ERBB4: variants seen among roughly 807,000 people sequenced by gnomAD.
The protein encoded by ERBB4 is erb-b2 receptor tyrosine kinase 4.
Under a neutral mutation model 158.0 loss-of-function variants are expected in ERBB4, and 42 were observed. The observed-to-expected ratio is 0.27, with a 90% CI of 0.21 to 0.34. The LOEUF (loss-of-function observed/expected upper bound fraction) is 0.34, where lower values mean the gene tolerates loss of function less well. ERBB4 is among the 10% of genes least tolerant of loss of function. ERBB4 has a pLI of 1.00. For missense variants in ERBB4, 1,333 were observed against 1,624.1 expected (o/e 0.82, Z 3.08); for synonymous variants, 583 against 558.7 (o/e 1.04, Z -0.61).
chr2:212,373,757 ATATCCACG>A (rs1455175766), intron 1 of ERBB4, among the ~76,000 whole-genome samples: 13 of 141,606 alleles, frequency 9.2e-5, no homozygotes, highest in African/African-American at 3.4e-4. Context: ...ATCCATGTAT[ATATCCACG>A]TATATATCCA....
chr2:212,456,361 A>G (rs1018884106), intron 1 of ERBB4, among the ~76,000 whole-genome samples: 1 of 152,114 alleles, frequency 6.6e-6, no homozygotes, highest in Non-Finnish European at 1.5e-5. Context: ...CATACACTAA[A>G]TAAGTGTAAA....
intron 2 of ERBB4, among the ~76,000 whole-genome samples, chr2:212,030,413 C>T (rs1267950421): frequency 6.6e-6 from 1 of 152,066 alleles, no homozygotes; most frequent in Non-Finnish European, 1.5e-5. Flanking sequence ...GTTTAAATTT[C>T]TTTAGTTGCC....
At chr2:211,609,301 A>C (rs925395821) in intron 19 of ERBB4, among the ~76,000 whole-genome samples, 1 of 152,132 alleles carries the variant, frequency 6.6e-6, no homozygotes, top group Non-Finnish European at 1.5e-5. Flanking sequence ...CATTAGACCC[A>C]CATTCCAGAG....
chr2:211,886,869 A>G (rs1401728554), intron 3 of ERBB4, among the ~76,000 whole-genome samples: 2 of 152,208 alleles, frequency 1.3e-5, no homozygotes, highest in East Asian at 1.9e-4. Context: ...AGGCAGTTAA[A>G]CTTGTCACTG....
intron 22 of ERBB4, among the ~76,000 whole-genome samples, chr2:211,426,548 G>A (rs937826674): frequency 2.0e-5 from 3 of 151,912 alleles, no homozygotes; most frequent in Admixed American, 1.3e-4. Flanking sequence ...ACAGTTCCTG[G>A]GATTTTGCAA....
At position 211,430,984 on chromosome 2, in the gene ERBB4, C is replaced by T. The variant is rs879129631; in HGVS notation, c.2604G>A (p.Leu868=). The T allele has an allele frequency of 9.3e-6, 15 of 1,613,648 alleles. No individual in the cohort carries two copies. The highest frequency in any genetic ancestry group is 1.3e-5 in the Non-Finnish European group (15 of 1,179,744). ...CATTGTACTCTTTTTCATCTCCTTC[C>T]AAGAGTCTGGCTAGCCCAAAATCTG... The part of the protein sequence containing the change: ...KITDFGLARL[L]EGDEKEYNAD... The change falls in exon 21 of 28, where the codon TTG becomes TTA. Residue 868 remains leucine, a synonymous_variant. Coordinates refer to ENST00000342788, the MANE Select transcript of ERBB4 (RefSeq NM_005235.3).
At chr2:211,833,966 G>A (rs1337160815) in intron 3 of ERBB4, among the ~76,000 whole-genome samples, 1 of 152,036 alleles carries the variant, frequency 6.6e-6, no homozygotes, top group African/African-American at 2.4e-5. Context: ...ACCCCTAGGT[G>A]CATATTCAGA....
chr2:211,427,648 T>G (rs2125420328), intron 22 of ERBB4, among the ~76,000 whole-genome samples: 1 of 152,300 alleles, frequency 6.6e-6, no homozygotes, highest in East Asian at 1.9e-4. Flanking sequence ...CTGTCAGTAA[T>G]TTTTCTTTGT....
chr2:211,494,815 T>A (rs1287390215), intron 20 of ERBB4, among the ~76,000 whole-genome samples: 3 of 152,138 alleles, frequency 2.0e-5, no homozygotes, highest in Non-Finnish European at 4.4e-5. Flanking sequence ...CATCTGCCAG[T>A]CATCTCATGT....
At chr2:211,733,024 A>G (rs535728927) in intron 5 of ERBB4, among the ~76,000 whole-genome samples, 1 of 152,256 alleles carries the variant, frequency 6.6e-6, no homozygotes, top group South Asian at 2.1e-4. Flanking sequence ...ATATTTTGGC[A>G]GCTACTAATC....
intron 1 of ERBB4, among the ~76,000 whole-genome samples, chr2:212,301,869 T>G (rs1320870073): frequency 6.6e-6 from 1 of 151,372 alleles, no homozygotes; most frequent in Admixed American, 6.6e-5. Flanking sequence ...TCTTATTTTT[T>G]AAAATAAAAA....
At chr2:212,320,522 A>AAC (rs1276411046) in intron 1 of ERBB4, among the ~76,000 whole-genome samples, 1 of 149,014 alleles carries the variant, frequency 6.7e-6, no homozygotes, top group Non-Finnish European at 1.5e-5. Context: ...CAGAAAAAAA[A>AAC]AAACAACACA....
intron 3 of ERBB4, among the ~76,000 whole-genome samples, chr2:211,928,123 T>C (rs1428515794): frequency 2.0e-5 from 3 of 152,220 alleles, no homozygotes; most frequent in Non-Finnish European, 2.9e-5. Flanking sequence ...ACAATCCCAA[T>C]AGAAGCAAGA....
At chr2:211,772,240 T>C (rs1356460646) in intron 4 of ERBB4, among the ~76,000 whole-genome samples, 1 of 150,722 alleles carries the variant, frequency 6.6e-6, no homozygotes, top group Non-Finnish European at 1.5e-5. Context: ...AAATTGGGGC[T>C]TTTTTCCCCT....
intron 20 of ERBB4, among the ~76,000 whole-genome samples, chr2:211,467,441 T>C (rs1450502306): frequency 6.6e-6 from 1 of 152,150 alleles, no homozygotes; most frequent in Non-Finnish European, 1.5e-5. Context: ...GTGTGTTGTT[T>C]TTAGGCAGCA....
chr2:211,448,675 T>C (rs17747388), intron 20 of ERBB4, among the ~76,000 whole-genome samples: 6,310 of 152,214 alleles, frequency 0.041, 186 homozygotes, highest in Non-Finnish European at 0.062. Flanking sequence ...CAGCTACAAA[T>C]GCATTACAAC....
At chr2:211,966,524 G>A (rs1181176357) in intron 2 of ERBB4, among the ~76,000 whole-genome samples, 1 of 152,150 alleles carries the variant, frequency 6.6e-6, no homozygotes, top group Non-Finnish European at 1.5e-5. Context: ...ACAAGCGTGA[G>A]CCACTGCACC....
intron 1 of ERBB4, among the ~76,000 whole-genome samples, chr2:212,482,213 A>C (rs1275106316): frequency 6.6e-6 from 1 of 152,210 alleles, no homozygotes; most frequent in African/African-American, 2.4e-5. Context: ...TAAATTTAAA[A>C]ACCCAAATCA....
Position 211,462,260 on chromosome 2 carries a change from T to C in ERBB4, c.2488-31160A>G, listed in dbSNP as rs549854176. Among the ~76,000 whole-genome samples, 24 of 152,050 alleles carry C rather than the reference T, an allele frequency of 1.6e-4. No homozygotes were observed. The South Asian group carries it at 5.0e-3, about 32-fold the overall frequency. ...ATCAGATCTCATAACTCACACACTATCATGAGCAGCACTGAGGGATACCTG... is the reference window on the plus strand; with the variant it reads ...ATCAGATCTCATAACTCACACACTACCATGAGCAGCACTGAGGGATACCTG... On this transcript the variant is annotated intron_variant, in intron 20 of 27. Coordinates refer to ENST00000342788, the MANE Select transcript of ERBB4 (RefSeq NM_005235.3).
Sources: gnomAD v4.1 joint callset for allele counts (sites outside exome capture counted in the v4.1 genomes callset) on GRCh38, gnomAD v4.1.1 for gene constraint, MANE v1.5 for transcripts, NCBI Gene and HGNC (gene_info 2026-07-23, HGNC 2026-07-21) for gene names.